The following SORL1 variants were observed in gnomAD, a reference collection of about 807,000 sequenced individuals.
SORL1 encodes sortilin-related receptor.
A neutral mutation model predicts 273.7 loss-of-function variants in SORL1; 127 were observed. That is an observed-to-expected ratio of 0.46 (90% confidence interval 0.40 to 0.54). The LOEUF (loss-of-function observed/expected upper bound fraction) is 0.54. SORL1 is among the 20% of genes least tolerant of loss of function. The pLI, the probability that SORL1 is intolerant of heterozygous loss-of-function variation, is 0.00. For synonymous variants in SORL1, 1,031 were observed against 1,067.4 expected, an observed-to-expected ratio of 0.97 and a Z score of 0.66; for missense variants, 2,494 against 2,846.1, an observed-to-expected ratio of 0.88 and a Z score of 2.81.
intron 1 of SORL1, among the ~76,000 whole-genome samples, chr11:121,458,891 T>C (rs1591542430): frequency 1.3e-5 from 2 of 152,286 alleles, no homozygotes; most frequent in East Asian, 3.9e-4. Context: ...TTATGGTGGG[T>C]TCCGTAAAAA....
At chr11:121,604,803 G>T (rs957320077) in intron 33 of SORL1, among the ~76,000 whole-genome samples, 1 of 152,138 alleles carries the variant, frequency 6.6e-6, no homozygotes. Context: ...GATTGTATAG[G>T]GAGGTTTCAA....
At chr11:121,506,352 G>T (rs905563359) in intron 6 of SORL1, among the ~76,000 whole-genome samples, 1 of 152,168 alleles carries the variant, frequency 6.6e-6, no homozygotes, top group Non-Finnish European at 1.5e-5. Context: ...TACAAAAAAG[G>T]TTTATAATGG....
chr11:121,607,285 G>A lies in SORL1; in HGVS notation c.5161G>A (p.Val1721Ile), dbSNP rs766211371. 2.1e-5 allele frequency: 32 copies of A among 1,535,272 alleles called. No individual in the cohort carries two copies. Among genetic ancestry groups the A allele is most frequent in the African/African-American group, 8.2e-5 (6 of 73,424 alleles). The change falls in exon 37 of 48, where the codon GTC becomes ATC. Residue 1721 changes from valine to isoleucine, a missense_variant. Val to Ile is a conservative substitution (Grantham distance 29, BLOSUM62 3). Transcript: ENST00000260197. The stretch of plus-strand genomic sequence containing the variant: ...CTTATTGGTCAACACTCTATACACC[G>A]TCAGAGTGAGTGTCGTCATCCATTC... ...KNLLVNTLYT[V>I]RVAAVTSRGI...
rs79740897 is a variant in SORL1, at chr11:121,546,067, G to A, written c.2051+638G>A. ...GTGCTGTTTGAGCTGGGCTCTCAGG[G>A]AGCATCAATATTTGCAGACAGCAGT... On this transcript the variant is annotated intron_variant, in intron 14 of 47. Transcript: ENST00000260197. Among the ~76,000 whole-genome samples the A allele has an allele frequency of 1.1e-3, 160 of 152,316 alleles. 2 individuals carry two copies. The East Asian group carries it at 0.026, about 24-fold the overall frequency.
chr11:121,542,303 A>G (rs1161841660), intron 12 of SORL1, among the ~76,000 whole-genome samples: 1 of 152,196 alleles, frequency 6.6e-6, no homozygotes, highest in Non-Finnish European at 1.5e-5. Context: ...TTTCCCCTTC[A>G]ATCCGGGATT....
intron 12 of SORL1, among the ~76,000 whole-genome samples, chr11:121,536,291 G>A (rs1483644526): frequency 1.3e-5 from 2 of 152,150 alleles, no homozygotes; most frequent in Admixed American, 6.5e-5. Flanking sequence ...AATGTGGGAG[G>A]CAGTGGTTAA....
chr11:121,529,312 G>T (rs1862168694), intron 11 of SORL1, among the ~76,000 whole-genome samples: 1 of 152,084 alleles, frequency 6.6e-6, no homozygotes, highest in African/African-American at 2.4e-5. Flanking sequence ...GACCTCCTGG[G>T]TTCAAGTGAT....
At chr11:121,615,124 C>A in intron 41 of SORL1, 69 bp downstream of exon 41, 2 of 1,292,806 alleles carry the variant, frequency 1.5e-6, no homozygotes, top group Non-Finnish European at 2.1e-6. Context: ...CACCACACAA[C>A]TCCAGGGCTT....
At chr11:121,614,764 T>C (rs1040387964) in intron 40 of SORL1, 107 bp from the exon 41 acceptor site, 13 of 855,516 alleles carry the variant, frequency 1.5e-5, no homozygotes, top group Non-Finnish European at 2.3e-5. Context: ...GGGACTCATT[T>C]AAGTCAAGAG....
chr11:121,541,240 C>A (rs993499438), intron 12 of SORL1, among the ~76,000 whole-genome samples: 1 of 150,232 alleles, frequency 6.7e-6, no homozygotes, highest in African/African-American at 2.5e-5. Flanking sequence ...CTCGCTCTGT[C>A]ATCCAGGTGG....
chr11:121,486,869 G>A (rs1228522024), intron 3 of SORL1, among the ~76,000 whole-genome samples: 1 of 152,082 alleles, frequency 6.6e-6, no homozygotes, highest in Admixed American at 6.5e-5. Context: ...GCTGAGGTGG[G>A]ATGACCTCCT....
intron 12 of SORL1, 150 bp downstream of exon 12, chr11:121,532,702 T>G (rs1862219213): frequency 1.6e-6 from 1 of 642,868 alleles, no homozygotes; most frequent in Admixed American, 2.8e-5. Context: ...TTTTTTTTTT[T>G]TGAGATGGAG....
intron 41 of SORL1, 25 bp downstream of exon 41, chr11:121,615,080 C>T (rs1423620096): frequency 1.3e-6 from 2 of 1,572,252 alleles, no homozygotes; most frequent in African/African-American, 2.7e-5. Context: ...ATGACCATCA[C>T]AAAGTGAGTG....
chr11:121,452,827 A>G lies in SORL1; in HGVS notation c.285+211A>G, dbSNP rs1263155294. 6.2e-6 allele frequency: 3 copies of G among 486,818 alleles called. No individual in the cohort carries two copies. The highest frequency in any genetic ancestry group is 1.1e-5 in the Non-Finnish European group (3 of 283,372). 30.2% of individuals were successfully genotyped at this position (486,818 alleles called of 1,614,324 possible). ...CCTGTCGATTTAGTAAACGTATTCC[A>G]GGTAACTCGCCGGGTGCAGTGCGTA... On this transcript the variant is annotated intron_variant, in intron 1 of 47. Transcript: ENST00000260197. This position sits in a 1 kb window ranked among gnomAD's most constrained non-coding sequence, Gnocchi z 5.3.
chr11:121,632,921 A>T lies in SORL1; in HGVS notation c.*3358A>T, dbSNP rs1233574639. Reference sequence around the variant, plus strand: ...AGTCCCTTAGAGAAGGCATCCAGAGACATAACTAAACTGAATATCATCCCA... The same window carrying T: ...AGTCCCTTAGAGAAGGCATCCAGAGTCATAACTAAACTGAATATCATCCCA... On this transcript the variant is annotated 3_prime_UTR_variant, in exon 48 of 48. Coordinates refer to ENST00000260197, the MANE Select transcript of SORL1 (RefSeq NM_003105.6). 1 of 152,134 alleles carries T rather than the reference A, an allele frequency of 6.6e-6. No individual in the cohort carries two copies. The highest frequency in any genetic ancestry group is 1.5e-5 in the Non-Finnish European group (1 of 68,020). 9.4% of individuals were successfully genotyped at this position (152,134 alleles called of 1,614,324 possible).
chr11:121,631,885 T>C lies in SORL1; in HGVS notation c.*2322T>C, dbSNP rs545981702. ...GCTATATGTAAATTGTATATTTTTA[T>C]GAACTTTTGAAGCACACACTCCTGT... On this transcript the variant is annotated 3_prime_UTR_variant, in exon 48 of 48. Coordinates refer to ENST00000260197, the MANE Select transcript of SORL1 (RefSeq NM_003105.6). 1 of 152,382 alleles carries C rather than the reference T, an allele frequency of 6.6e-6. No individual in the cohort carries two copies. The highest frequency in any genetic ancestry group is 2.1e-4 in the South Asian group (1 of 4,826). 9.4% of individuals were successfully genotyped at this position (152,382 alleles called of 1,614,324 possible).
intron 44 of SORL1, among the ~76,000 whole-genome samples, chr11:121,621,810 G>T (rs560973683): frequency 2.0e-5 from 3 of 152,334 alleles, no homozygotes; most frequent in South Asian, 4.1e-4. Context: ...CCTGGGCCAT[G>T]TGCCATTGTC....
intron 32 of SORL1, among the ~76,000 whole-genome samples, chr11:121,601,212 C>T (rs1483700542): frequency 6.3e-5 from 9 of 142,576 alleles, no homozygotes; most frequent in African/African-American, 1.8e-4. Flanking sequence ...CATGTCCCTA[C>T]AAAGGACATG....
intron 32 of SORL1, among the ~76,000 whole-genome samples, chr11:121,600,503 A>G (rs936361013): frequency 6.6e-6 from 1 of 152,232 alleles, no homozygotes; most frequent in African/African-American, 2.4e-5. Context: ...ATAAGCAACC[A>G]CATAATAAGA....
Sources: gnomAD v4.1 joint callset for allele counts (sites outside exome capture counted in the v4.1 genomes callset) on GRCh38, gnomAD v4.1.1 for gene constraint, Gnocchi (gnomAD v3.1) non-coding constraint, MANE v1.5 for transcripts, NCBI Gene and HGNC (gene_info 2026-07-23, HGNC 2026-07-21) for gene names.